The following FAM184B variants were observed in gnomAD, a reference collection of about 807,000 sequenced individuals.
The protein encoded by FAM184B is family with sequence similarity 184 member B.
A neutral mutation model predicts 135.9 loss-of-function variants in FAM184B; 111 were observed. The observed-to-expected ratio is 0.82, with a 90% CI of 0.70 to 0.96. The LOEUF (loss-of-function observed/expected upper bound fraction) is 0.96. FAM184B is among the 40% of genes least tolerant of loss of function. FAM184B has a pLI of 0.00. For missense variants in FAM184B, 1,375 were observed against 1,323.9 expected, an observed-to-expected ratio of 1.04 and a Z score of -0.60; for synonymous variants, 552 against 524.8, an observed-to-expected ratio of 1.05 and a Z score of -0.71.
At chr4:17,637,176 G>A (rs1322354713) in intron 14 of FAM184B, among the ~76,000 whole-genome samples, 1 of 152,108 alleles carries the variant, frequency 6.6e-6, no homozygotes, top group Non-Finnish European at 1.5e-5. Context: ...CTACAGGCGC[G>A]CGCCACCGTG....
At chr4:17,654,510 C>G (rs1424664979) in intron 10 of FAM184B, among the ~76,000 whole-genome samples, 1 of 152,206 alleles carries the variant, frequency 6.6e-6, no homozygotes, top group Admixed American at 6.5e-5. Context: ...TATTTTTCAA[C>G]AGAGCAGGAA....
chr4:17,756,874 A>G (rs1380759999), intron 1 of FAM184B, among the ~76,000 whole-genome samples: 1 of 152,218 alleles, frequency 6.6e-6, no homozygotes, highest in African/African-American at 2.4e-5. Context: ...CAGTGAGCCA[A>G]GATCACGTCA....
intron 8 of FAM184B, among the ~76,000 whole-genome samples, chr4:17,663,093 G>A (rs867591160): frequency 6.6e-6 from 1 of 152,076 alleles, no homozygotes; most frequent in Non-Finnish European, 1.5e-5. Context: ...GTGCCACCAC[G>A]CTCAGCTAAT....
At chr4:17,757,273 GTGTGTGTGTA>G (rs766715850) in intron 1 of FAM184B, among the ~76,000 whole-genome samples, 1 of 152,112 alleles carries the variant, frequency 6.6e-6, no homozygotes. Context: ...AAAAAACAAT[GTGTGTGTGTA>G]TGTGTGTGTA....
chr4:17,699,519 AAT>A (rs1716937744), intron 5 of FAM184B, among the ~76,000 whole-genome samples: 2 of 152,160 alleles, frequency 1.3e-5, no homozygotes, highest in Non-Finnish European at 2.9e-5. Flanking sequence ...TTTTCATTAG[AAT>A]AAAATGCAAA....
At chr4:17,773,598 A>G (rs1718865750) in intron 1 of FAM184B, among the ~76,000 whole-genome samples, 1 of 152,002 alleles carries the variant, frequency 6.6e-6, no homozygotes. Flanking sequence ...TCTGTTTGAG[A>G]CGGAGTTTCA....
In FAM184B at chr4:17,749,897, T is replaced by A. The variant is rs1225692114; in HGVS notation, c.141+31262A>T. Among the ~76,000 whole-genome samples the A allele has an allele frequency of 9.7e-5, 14 of 144,584 alleles. No individual in the cohort carries two copies. The Admixed American group carries it at 9.7e-4, about 10-fold the overall frequency. 94.9% of individuals were successfully genotyped at this position (144,584 alleles called of 152,430 possible). On this transcript the variant is annotated intron_variant, in intron 1 of 17. Transcript: ENST00000265018. Reference sequence around the variant, plus strand: ...TATTTTATTTCGTCACTTTTAGTATTTACCGTTATAATGTAAGTGTCTTTT... The same window carrying A: ...TATTTTATTTCGTCACTTTTAGTATATACCGTTATAATGTAAGTGTCTTTT...
At chr4:17,750,114 G>A (rs1233748269) in intron 1 of FAM184B, among the ~76,000 whole-genome samples, 1 of 152,198 alleles carries the variant, frequency 6.6e-6, no homozygotes, top group African/African-American at 2.4e-5. Flanking sequence ...ATTCTCAGAA[G>A]TGAAATTTGA....
At chr4:17,680,713 C>T (rs1388717496) in intron 7 of FAM184B, among the ~76,000 whole-genome samples, 1 of 152,284 alleles carries the variant, frequency 6.6e-6, no homozygotes, top group Non-Finnish European at 1.5e-5. Flanking sequence ...AATAGATCTG[C>T]TTCTCCTTTC....
At chr4:17,758,849 A>G (rs1411486763) in intron 1 of FAM184B, among the ~76,000 whole-genome samples, 1 of 152,006 alleles carries the variant, frequency 6.6e-6, no homozygotes, top group East Asian at 1.9e-4. Context: ...CTCTGCTCAG[A>G]TAGCTTACCG....
intron 1 of FAM184B, among the ~76,000 whole-genome samples, chr4:17,715,641 G>C (rs759367705): frequency 3.9e-4 from 59 of 152,106 alleles, no homozygotes; most frequent in Admixed American, 1.1e-3. Context: ...CAGATTTTAA[G>C]TGTTCTCACC....
intron 1 of FAM184B, among the ~76,000 whole-genome samples, chr4:17,747,900 G>A (rs1197075930): frequency 8.1e-5 from 9 of 110,450 alleles, no homozygotes; most frequent in Admixed American, 4.1e-4. Flanking sequence ...CAGCCTGGGC[G>A]ACAGAGCGAG....
intron 6 of FAM184B, among the ~76,000 whole-genome samples, chr4:17,691,554 C>T (rs1327062262): frequency 2.0e-5 from 3 of 151,984 alleles, no homozygotes; most frequent in Non-Finnish European, 4.4e-5. Flanking sequence ...GGTGTGGTGG[C>T]ATGCGCCTGT....
intron 7 of FAM184B, among the ~76,000 whole-genome samples, chr4:17,673,536 G>A (rs1716242084): frequency 6.6e-6 from 1 of 152,094 alleles, no homozygotes; most frequent in African/African-American, 2.4e-5. Context: ...CAATCAACGA[G>A]CAGATAAAGA....
intron 13 of FAM184B, among the ~76,000 whole-genome samples, chr4:17,641,603 C>T (rs970568284): frequency 2.2e-5 from 3 of 134,762 alleles, no homozygotes; most frequent in Admixed American, 8.6e-5. Context: ...CTCAGCCTCC[C>T]GAATAACTGG....
chr4:17,717,906 G>A (rs1222964462), intron 1 of FAM184B, among the ~76,000 whole-genome samples: 4 of 152,132 alleles, frequency 2.6e-5, no homozygotes, highest in Admixed American at 6.5e-5. Context: ...AAATGTAATC[G>A]TGGTAATCGC....
intron 1 of FAM184B, among the ~76,000 whole-genome samples, chr4:17,763,263 G>A (rs147038658): frequency 1.3e-4 from 20 of 152,164 alleles, no homozygotes; most frequent in African/African-American, 4.3e-4. Flanking sequence ...GGTCTTCCCT[G>A]GGACAACACC....
At chr4:17,689,106 C>T (rs1222750507) in intron 6 of FAM184B, among the ~76,000 whole-genome samples, 1 of 152,114 alleles carries the variant, frequency 6.6e-6, no homozygotes, top group Non-Finnish European at 1.5e-5. Context: ...TATTTCTATA[C>T]TCGATCTGTA....
In FAM184B at chr4:17,633,856, C is replaced by G. The variant is rs1715039919; in HGVS notation, c.2922G>C (p.Val974=). The change falls in exon 17 of 18, where the codon GTG becomes GTC. Residue 974 remains valine, a synonymous_variant. Transcript: ENST00000265018. ...KKKVEDVPSR[V]VSVPNLASYA... ...AGGAGGCGAGGTTCGGCACGCTGAC[C>G]ACGCGGCTGGGCACGTCCTCCACCT... is the stretch of plus-strand genomic sequence containing the variant. The G allele has an allele frequency of 6.4e-7, 1 of 1,551,014 alleles. No individual in the cohort carries two copies. The highest frequency in any genetic ancestry group is 1.4e-5 in the African/African-American group (1 of 73,132).
Sources: gnomAD v4.1 joint callset for allele counts (sites outside exome capture counted in the v4.1 genomes callset) on GRCh38, gnomAD v4.1.1 for gene constraint, MANE v1.5 for transcripts, NCBI Gene and HGNC (gene_info 2026-07-23, HGNC 2026-07-21) for gene names.